Variants in DACT3 observed in about 807,000 individuals in gnomAD.
The protein encoded by DACT3 is dishevelled binding antagonist of beta catenin 3, also known as dapper homolog 3.
A neutral mutation model predicts 19.6 loss-of-function variants in DACT3; 5 were observed. The ratio of observed to expected loss-of-function variants is 0.26; its 90% CI spans 0.13 to 0.54. The LOEUF is 0.54. Among genes scored for constraint, DACT3 ranks in the 20% least tolerant of loss-of-function variants. The pLI is 0.95. For missense variants in DACT3, 908 were observed against 927.4 expected (o/e 0.98, Z 0.27); for synonymous variants, 454 against 428.1 (o/e 1.06, Z -0.75).
intron 1 of DACT3, among the ~76,000 whole-genome samples, chr19:46,656,410 C>T (rs890788329): frequency 7.9e-5 from 12 of 152,016 alleles, no homozygotes; most frequent in African/African-American, 2.9e-4. Context: ...TGCAGTGGCA[C>T]GATCACGGCT....
In DACT3 at chr19:46,660,448, T is replaced by C; in HGVS notation, c.249+368A>G. The C allele has an allele frequency of 4.8e-6, 1 of 208,968 alleles. No individual in the cohort carries two copies. Among genetic ancestry groups the C allele is most frequent in the Non-Finnish European group, 9.6e-6 (1 of 104,418 alleles). 12.9% of individuals were successfully genotyped at this position (208,968 alleles called of 1,614,324 possible). Reference sequence around the variant, plus strand: ...CTCTCTGAGCCTCAATTTGTTTCTCTGTTAAATGGGGACTATCACCCCGTT... The same window carrying C: ...CTCTCTGAGCCTCAATTTGTTTCTCCGTTAAATGGGGACTATCACCCCGTT... On this transcript the variant is annotated intron_variant, in intron 1 of 3. Coordinates refer to ENST00000391916, the MANE Select transcript of DACT3 (RefSeq NM_145056.3). This position sits in a 1 kb window ranked among gnomAD's most constrained non-coding sequence, Gnocchi z 4.9.
At position 46,652,843 on chromosome 19, in the gene DACT3, AG is replaced by A. The variant is rs572578398; in HGVS notation, c.347-32del. 152 of 1,545,396 alleles carry A rather than the reference AG, an allele frequency of 9.8e-5. No individual in the cohort carries two copies. The African/African-American group carries it at 1.9e-3, about 20-fold the overall frequency. On this transcript the variant is annotated intron_variant, in intron 2 of 3. Transcript: ENST00000391916. Reference sequence around the variant, plus strand: ...TTTCCAGGAGAAGCAGAGAGACTTCAGGGGGTTTGGGTGGGAAAACCAGAGC... The same window carrying A: ...TTTCCAGGAGAAGCAGAGAGACTTCAGGGGTTTGGGTGGGAAAACCAGAGC...
At chr19:46,655,884 C>T (rs957031343) in intron 1 of DACT3, among the ~76,000 whole-genome samples, 7 of 142,110 alleles carry the variant, frequency 4.9e-5, no homozygotes, top group Non-Finnish European at 1.1e-4. Context: ...CCAGCCTAGG[C>T]GACATAGTGA....
At position 46,660,853 on chromosome 19, in the gene DACT3, G is replaced by T; in HGVS notation, c.212C>A (p.Ala71Glu). ...EDADEDEDAA[A>E]ARRAAAALEE... ...CAGGGCCGCTGCGGCCCGGCGCGCC[G>T]CCGCCGCATCTTCATCCTCATCGGC... The change falls in exon 1 of 4, where the codon GCG (alanine) becomes GAG (glutamate). Residue 71 changes from alanine (A) to glutamate (E), a missense_variant. Transcript: ENST00000391916. The surrounding 1 kb of genome is among the most constrained non-coding windows in gnomAD (Gnocchi z 4.9). 6.6e-7 allele frequency: 1 copy of T among 1,520,160 alleles called. No individual in the cohort carries two copies. Among genetic ancestry groups the T allele is most frequent in the Non-Finnish European group, 8.8e-7 (1 of 1,139,258 alleles). The allele number at this position is 1,520,160 out of a possible 1,614,324, so 94.2% of individuals were successfully genotyped here.
chr19:46,656,040 AATTTATTTATTT>A (rs201832570), intron 1 of DACT3, among the ~76,000 whole-genome samples: 9 of 135,850 alleles, frequency 6.6e-5, no homozygotes, highest in East Asian at 2.3e-4. Flanking sequence ...ATATATATGA[AATTTATTTATTT>A]ATTTATTTAT....
At chr19:46,654,345 G>C in intron 1 of DACT3, 1 of 567,308 alleles carries the variant, frequency 1.8e-6, no homozygotes, top group Non-Finnish European at 2.2e-6. Flanking sequence ...AACTAGCGGG[G>C]CGTGGTGGTT....
chr19:46,652,717 G>A lies in DACT3; in HGVS notation c.442C>T (p.Arg148Cys), dbSNP rs748316056. The A allele has an allele frequency of 3.5e-5, 55 of 1,551,484 alleles. No homozygotes were observed. In the African/African-American group the frequency reaches 5.8e-4, roughly 16 times the overall value. ...CCCCGGGGCTCAGAGGGACCCAGGC[G>A]ACCATAGGAGCTGGATCCAGAGAAG... is the stretch of plus-strand genomic sequence containing the variant. Reference protein sequence around the residue: ...SGFSGSSSYGRLGPSEPRGIY... With the variant: ...SGFSGSSSYGCLGPSEPRGIY... Residue 148 changes from arginine (R) to cysteine (C), a missense_variant, in exon 3 of 4, where the codon CGC becomes TGC. Arg to Cys is a radical substitution (Grantham distance 180). Coordinates refer to ENST00000391916, the MANE Select transcript of DACT3 (RefSeq NM_145056.3).
intron 1 of DACT3, among the ~76,000 whole-genome samples, chr19:46,656,396 G>A (rs1314820044): frequency 6.6e-6 from 1 of 151,918 alleles, no homozygotes; most frequent in East Asian, 1.9e-4. Flanking sequence ...TCACCAGGCT[G>A]GACTGCAGTG....
At chr19:46,653,330 C>G (rs1202546825) in intron 1 of DACT3, among the ~76,000 whole-genome samples, 1 of 151,976 alleles carries the variant, frequency 6.6e-6, no homozygotes, top group Non-Finnish European at 1.5e-5. Flanking sequence ...TGTGATGAGG[C>G]CTCAGAAAAC....
chr19:46,651,065 C>CTATTTATT (rs71340605), intron 3 of DACT3: 14,071 of 148,560 alleles, frequency 0.095, 723 homozygotes, highest in South Asian at 0.15. Flanking sequence ...ATTTATTTAT[C>CTATTTATT]TATTTATTTA....
intron 3 of DACT3, chr19:46,650,335 G>C (rs1238771069): frequency 6.6e-6 from 1 of 151,782 alleles, no homozygotes; most frequent in Non-Finnish European, 1.5e-5. Flanking sequence ...TGTTCGCCAG[G>C]ATGGTCTCGA....
chr19:46,655,021 G>A (rs1421914661), intron 1 of DACT3: 14 of 985,254 alleles, frequency 1.4e-5, no homozygotes, highest in Non-Finnish European at 1.7e-5. Flanking sequence ...TGCAGCATCA[G>A]GAAGTAACTA....
chr19:46,656,251 T>C (rs909485283), intron 1 of DACT3, among the ~76,000 whole-genome samples: 5 of 151,894 alleles, frequency 3.3e-5, no homozygotes, highest in African/African-American at 1.2e-4. Context: ...GGTTTCATCA[T>C]GTTGGCCAGG....
At position 46,660,188 on chromosome 19, in the gene DACT3, C is replaced by A. The variant is rs1216479174; in HGVS notation, c.249+628G>T. Among the ~76,000 whole-genome samples, 1 of 152,206 alleles carries A rather than the reference C, an allele frequency of 6.6e-6. No homozygotes were observed. The highest frequency in any genetic ancestry group is 1.5e-5 in the Non-Finnish European group (1 of 68,030). ...AGGAGAGCTGGGGCCAGGTAGGAAG[C>A]AGGGGAAGTGTCACCAAAGGGTCAA... On this transcript the variant is annotated intron_variant, in intron 1 of 3. Transcript: ENST00000391916. This position sits in a 1 kb window ranked among gnomAD's most constrained non-coding sequence, Gnocchi z 4.9.
At chr19:46,652,867 A>G in intron 2 of DACT3, 55 bp from the exon 3 acceptor site, 1 of 1,540,414 alleles carries the variant, frequency 6.5e-7, no homozygotes, top group South Asian at 1.2e-5. Context: ...GGAAAACCAG[A>G]GCTGGGGAAA....
chr19:46,654,577 T>G (rs1599791617), intron 1 of DACT3: 3 of 984,808 alleles, frequency 3.0e-6, no homozygotes, highest in Non-Finnish European at 3.6e-6. Context: ...ACGGATGGGG[T>G]CTCCAAGACA....
At chr19:46,653,886 G>A (rs2053010385) in intron 1 of DACT3, among the ~76,000 whole-genome samples, 2 of 152,036 alleles carry the variant, frequency 1.3e-5, no homozygotes, top group Non-Finnish European at 2.9e-5. Context: ...TCTCAGATAC[G>A]CCCATTGCCC....
chr19:46,648,947 G>A lies in DACT3; in HGVS notation c.1425C>T (p.Arg475=). 5 of 1,339,108 alleles carry A rather than the reference G, an allele frequency of 3.7e-6. No individual in the cohort carries two copies. In the South Asian group the frequency reaches 7.4e-5, roughly 20 times the overall value. 83.0% of individuals were successfully genotyped at this position (1,339,108 alleles called of 1,614,324 possible). A position where few individuals can be genotyped will look rare whatever the true frequency, so the allele number is the denominator to read the frequency against. ...LAAQAAGSCR[R]WRSTAEIDAA... ...CGTCGATCTCCGCAGTGGAGCGCCA[G>A]CGACGGCAGGACCCTGCGGCCTGGG... is the stretch of plus-strand genomic sequence containing the variant. Residue 475 remains arginine (R), a synonymous_variant, in exon 4 of 4, where the codon CGC becomes CGT. Transcript: ENST00000391916. The surrounding 1 kb of genome is among the most constrained non-coding windows in gnomAD (Gnocchi z 5.1).
At chr19:46,655,046 G>A (rs1011038821) in intron 1 of DACT3, 4 of 985,272 alleles carry the variant, frequency 4.1e-6, no homozygotes, top group African/African-American at 1.7e-5. Context: ...AAAATCTCTC[G>A]GACCTACCAT....
Sources: allele counts gnomAD v4.1 joint callset (sites outside exome capture counted in the v4.1 genomes callset), GRCh38; gene constraint gnomAD v4.1.1; non-coding constraint Gnocchi (gnomAD v3.1); transcripts MANE v1.5; gene names NCBI Gene and HGNC (gene_info 2026-07-23, HGNC 2026-07-21).